NFIC: variants seen among roughly 807,000 people sequenced by gnomAD.
NFIC encodes the protein nuclear factor 1 C-type.
NFIC carries 12 observed loss-of-function variants against 54.4 expected under a neutral mutation model. The observed-to-expected ratio is 0.22, with a 90% CI of 0.14 to 0.36. The LOEUF (loss-of-function observed/expected upper bound fraction) is 0.36. Among genes scored for constraint, NFIC ranks in the 10% least tolerant of loss-of-function variants. The pLI is 1.00. For missense variants in NFIC, 575 were observed against 718.2 expected, an observed-to-expected ratio of 0.80 and a Z score of 2.28; for synonymous variants, 322 against 319.2, an observed-to-expected ratio of 1.01 and a Z score of -0.09.
At chr19:3,442,380 C>CTTT (rs10622379) in intron 6 of NFIC, among the ~76,000 whole-genome samples, 1,616 of 132,596 alleles carry the variant, frequency 0.012, 67 homozygotes, top group Admixed American at 0.081. Flanking sequence ...CTTCCCATCC[C>CTTT]TTTTTTTTTT....
At chr19:3,447,607 G>T (rs1335359778) in intron 6 of NFIC, among the ~76,000 whole-genome samples, 1 of 152,244 alleles carries the variant, frequency 6.6e-6, no homozygotes, top group African/African-American at 2.4e-5. Flanking sequence ...ATCTGGGACG[G>T]CCATGGGCTT....
At chr19:3,423,748 C>G (rs1296577868) in intron 2 of NFIC, among the ~76,000 whole-genome samples, 1 of 152,132 alleles carries the variant, frequency 6.6e-6, no homozygotes, top group Non-Finnish European at 1.5e-5. Context: ...AGAGGGAGCA[C>G]CCAAGCTGGG....
upstream of NFIC, among the ~76,000 whole-genome samples, chr19:3,363,263 ATATATAT>A (rs1272254540): frequency 9.9e-5 from 6 of 60,900 alleles, no homozygotes; most frequent in Admixed American, 4.4e-4. Flanking sequence ...ATATATATAT[ATATATAT>A]TTTTTTTTTT....
In NFIC at chr19:3,359,773, G is replaced by A. The variant is rs550957074; in HGVS notation, c.3+88G>A. On this transcript the variant is annotated intron_variant, in intron 1 of 9. Transcript: ENST00000395111. ...GGGCGAAAGTTGCAAGATCTGGGGG[G>A]ACAGGGGGCGGGGGCCGCCCGGAGG... 302 of 1,307,008 alleles carry A rather than the reference G, an allele frequency of 2.3e-4. 4 individuals carry two copies. In the East Asian group the frequency reaches 8.1e-3, roughly 35 times the overall value. 81.0% of individuals were successfully genotyped at this position (1,307,008 alleles called of 1,614,324 possible). A position where few individuals can be genotyped will look rare whatever the true frequency, so the allele number is the denominator to read the frequency against.
intron 2 of NFIC, among the ~76,000 whole-genome samples, chr19:3,390,997 C>T (rs2081368620): frequency 6.6e-6 from 1 of 152,118 alleles, no homozygotes; most frequent in Non-Finnish European, 1.5e-5. Context: ...TGCCACTGAA[C>T]TTAGAAATGG....
chr19:3,372,699 C>A (rs2081041157), intron 1 of NFIC, among the ~76,000 whole-genome samples: 1 of 129,328 alleles, frequency 7.7e-6, no homozygotes. Flanking sequence ...GCTCAAGGGG[C>A]CCAGGAGTGG....
chr19:3,416,533 A>T lies in NFIC; in HGVS notation c.563-8573A>T, dbSNP rs548882038. ...GTACATTATTATTATTATTATTATTATTTTTGAGACAGAGTTTCACTCTTG... is the reference window on the plus strand; with the variant it reads ...GTACATTATTATTATTATTATTATTTTTTTTGAGACAGAGTTTCACTCTTG... On this transcript the variant is annotated intron_variant, in intron 2 of 10. Transcript: ENST00000443272. Among the ~76,000 whole-genome samples, 11 of 150,878 alleles carry T rather than the reference A, an allele frequency of 7.3e-5. No homozygotes were observed. In the East Asian group the frequency reaches 1.4e-3, roughly 19 times the overall value.
Position 3,434,410 on chromosome 19 carries a change from C to G in NFIC, c.833+10C>G. On this transcript the variant is annotated intron_variant, in intron 5 of 10. Transcript: ENST00000443272. ...GCACCTCCTCCAGTGGGTAAGTACC[C>G]AGGTCCCCACCTCTGGGCATTTCAT... 1 of 1,595,694 alleles carries G rather than the reference C, an allele frequency of 6.3e-7. No homozygotes were observed. The highest frequency in any genetic ancestry group is 8.5e-7 in the Non-Finnish European group (1 of 1,170,674).
chr19:3,373,750 T>C (rs373329271), intron 1 of NFIC, among the ~76,000 whole-genome samples: 10 of 152,100 alleles, frequency 6.6e-5, no homozygotes, highest in Middle Eastern at 6.8e-3. Flanking sequence ...CATCCGTCCC[T>C]GCCCCAGATC....
Position 3,435,090 on chromosome 19 carries a change from C to A in NFIC, c.841C>A (p.Arg281=), listed in dbSNP as rs766605518. 1.3e-6 allele frequency: 2 copies of A among 1,598,914 alleles called. No individual in the cohort carries two copies. Among genetic ancestry groups the A allele is most frequent in the South Asian group, 1.1e-5 (1 of 89,198 alleles). The change falls in exon 6 of 11, where the codon CGG becomes AGG. Residue 281 remains arginine (R), a synonymous_variant. Coordinates refer to ENST00000443272, the MANE Select transcript of NFIC (RefSeq NM_001245002.2). The part of the protein sequence containing the change: ...LPSTSSSGSK[R]HKSGSMEEDV... ...CCTTCCCTCGCCCATAAGGAGCAAGCGGCACAAATCGGGCTCGATGGAGGA... is the reference window on the plus strand; with the variant it reads ...CCTTCCCTCGCCCATAAGGAGCAAGAGGCACAAATCGGGCTCGATGGAGGA...
intron 2 of NFIC, among the ~76,000 whole-genome samples, chr19:3,386,355 C>T (rs2081296007): frequency 8.1e-6 from 1 of 123,150 alleles, no homozygotes; most frequent in Non-Finnish European, 1.6e-5. Context: ...TAGGGTCTCA[C>T]TCTGTCACCC....
chr19:3,455,443 T>C lies in NFIC; in HGVS notation c.1424-1107T>C, dbSNP rs532665692. Among the ~76,000 whole-genome samples, 8 of 150,732 alleles carry C rather than the reference T, an allele frequency of 5.3e-5. 1 individual carries two copies. The highest frequency in any genetic ancestry group is 2.0e-4 in the African/African-American group (8 of 40,976). On this transcript the variant is annotated intron_variant, in intron 9 of 10. Transcript: ENST00000443272. ...TAGACACTTAATAGATGCAGGATAC[T>C]GCGTAGGATCCACTCAGGGCTCGGT... is the stretch of plus-strand genomic sequence containing the variant.
chr19:3,387,802 C>T (rs1322063847), intron 2 of NFIC, among the ~76,000 whole-genome samples: 2 of 144,438 alleles, frequency 1.4e-5, no homozygotes, highest in African/African-American at 2.6e-5. Context: ...GGTGACCAGC[C>T]GGGGGTGGGG....
At chr19:3,387,770 C>T (rs1019234441) in intron 2 of NFIC, among the ~76,000 whole-genome samples, 1 of 151,318 alleles carries the variant, frequency 6.6e-6, no homozygotes, top group Non-Finnish European at 1.5e-5. Flanking sequence ...TGGCGAGGGC[C>T]GTCCTGTGGC....
chr19:3,463,811 G>C lies in NFIC; in HGVS notation c.*1042G>C. 1.0e-6 allele frequency: 1 copy of C among 985,232 alleles called. No individual in the cohort carries two copies. Among genetic ancestry groups the C allele is most frequent in the Non-Finnish European group, 1.2e-6 (1 of 829,864 alleles). The allele number at this position is 985,232 out of a possible 1,614,324, so 61.0% of individuals were successfully genotyped here. On this transcript the variant is annotated 3_prime_UTR_variant, in exon 11 of 11. Coordinates refer to ENST00000443272, the MANE Select transcript of NFIC (RefSeq NM_001245002.2). ...GGAGCGCCCCCGTCAGCCCCTGGCG[G>C]TGGGAGGTGAGAGCGAGTGGTTTAA...
intron 1 of NFIC, among the ~76,000 whole-genome samples, chr19:3,379,348 G>A (rs146283311): frequency 0.011 from 1,662 of 150,732 alleles, 16 homozygotes; most frequent in South Asian, 0.024. Context: ...ATGAACCACC[G>A]CGCCCAGCCG....
At chr19:3,365,770 C>T (rs969574857), upstream of NFIC, among the ~76,000 whole-genome samples, 7 of 152,112 alleles carry the variant, frequency 4.6e-5, no homozygotes, top group African/African-American at 9.7e-5. Flanking sequence ...GACACACAGG[C>T]GAGGCCACCC....
At chr19:3,431,635 C>G (rs558465412) in intron 3 of NFIC, among the ~76,000 whole-genome samples, 4 of 152,170 alleles carry the variant, frequency 2.6e-5, no homozygotes, top group African/African-American at 9.6e-5. Flanking sequence ...TCCCAAAGTG[C>G]TGGGACTATA....
intron 2 of NFIC, among the ~76,000 whole-genome samples, chr19:3,416,397 G>A (rs2081855153): frequency 6.7e-6 from 1 of 149,772 alleles, no homozygotes; most frequent in African/African-American, 2.4e-5. Flanking sequence ...TATATGGCCT[G>A]TAGGTATATA....
Sources: allele counts gnomAD v4.1 joint callset (sites outside exome capture counted in the v4.1 genomes callset), GRCh38; gene constraint gnomAD v4.1.1; transcripts MANE v1.5; gene names NCBI Gene and HGNC (gene_info 2026-07-23, HGNC 2026-07-21).